Variants in KCNH5 observed in about 807,000 individuals in gnomAD.
KCNH5 encodes potassium voltage-gated channel subfamily H member 5, also known as voltage-gated delayed rectifier potassium channel KCNH5.
A neutral mutation model predicts 96.1 loss-of-function variants in KCNH5; 46 were observed. The observed-to-expected ratio is 0.48, with a 90% confidence interval of 0.38 to 0.61. The LOEUF (loss-of-function observed/expected upper bound fraction) is 0.61. KCNH5 is among the 20% of genes least tolerant of loss of function. The pLI is 0.00. For missense variants in KCNH5, 907 were observed against 1,225.8 expected, an observed-to-expected ratio of 0.74 and a Z score of 3.88; for synonymous variants, 439 against 449.8, an observed-to-expected ratio of 0.98 and a Z score of 0.30.
At chr14:62,841,306 C>T (rs191013282) in intron 8 of KCNH5, among the ~76,000 whole-genome samples, 174 of 152,208 alleles carry the variant, frequency 1.1e-3, no homozygotes, top group Non-Finnish European at 2.0e-3. Flanking sequence ...GAAAAAGTCT[C>T]GGAAGCATTA....
chr14:62,825,751 TTC>T (rs1408892175), intron 8 of KCNH5, among the ~76,000 whole-genome samples: 2 of 151,802 alleles, frequency 1.3e-5, no homozygotes, highest in African/African-American at 4.8e-5. Flanking sequence ...TCTTTTTTCT[TTC>T]TGTCTCTTTG....
intron 8 of KCNH5, among the ~76,000 whole-genome samples, chr14:62,809,126 G>A (rs1037450831): frequency 2.0e-5 from 3 of 152,044 alleles, no homozygotes; most frequent in African/African-American, 7.2e-5. Flanking sequence ...TTTCTTTTGA[G>A]CTATTTACAG....
At chr14:62,771,467 A>AT (rs1595615129) in intron 10 of KCNH5, among the ~76,000 whole-genome samples, 1 of 152,048 alleles carries the variant, frequency 6.6e-6, no homozygotes, top group Non-Finnish European at 1.5e-5. Flanking sequence ...TCTATTACAA[A>AT]ACAAAAAATT....
chr14:62,722,222 T>C (rs1202274389), intron 10 of KCNH5, among the ~76,000 whole-genome samples: 1 of 152,308 alleles, frequency 6.6e-6, no homozygotes, highest in East Asian at 1.9e-4. Context: ...AAATGAACCA[T>C]TAGACCACAT....
chr14:62,844,646 G>A (rs1595651503), intron 8 of KCNH5, among the ~76,000 whole-genome samples: 1 of 152,096 alleles, frequency 6.6e-6, no homozygotes, highest in African/African-American at 2.4e-5. Context: ...GTACTAATGA[G>A]CAGTCAATAA....
chr14:62,737,130 T>G (rs1244869963), intron 10 of KCNH5, among the ~76,000 whole-genome samples: 1 of 152,214 alleles, frequency 6.6e-6, no homozygotes, highest in African/African-American at 2.4e-5. Context: ...TGCTTGAACC[T>G]TCTTTCCTGA....
rs557153018 is a variant in KCNH5 at position 63,017,932 on chromosome 14, T to C, written c.74-978A>G. On this transcript the variant is annotated intron_variant, in intron 1 of 10. Transcript: ENST00000322893. Reference sequence around the variant, plus strand: ...ATAATGCAATTTAACATTTATTAAGTAGTTGCTGTATAAAAAACTGCTCTG... The same window carrying C: ...ATAATGCAATTTAACATTTATTAAGCAGTTGCTGTATAAAAAACTGCTCTG... 1.1e-4 allele frequency among the ~76,000 whole-genome samples: 14 copies of C among 125,346 alleles called. No individual in the cohort carries two copies. The South Asian group carries it at 2.7e-3, about 25-fold the overall frequency. 82.2% of individuals were successfully genotyped at this position (125,346 alleles called of 152,430 possible).
At chr14:63,003,516 T>TTA (rs1236989784) in intron 3 of KCNH5, among the ~76,000 whole-genome samples, 1 of 91,458 alleles carries the variant, frequency 1.1e-5, no homozygotes, top group Non-Finnish European at 2.4e-5. Flanking sequence ...TATATATATT[T>TTA]TATATATTTT....
chr14:62,980,043 C>T (rs924231175), intron 6 of KCNH5, among the ~76,000 whole-genome samples: 4 of 152,108 alleles, frequency 2.6e-5, no homozygotes, highest in Non-Finnish European at 2.9e-5. Context: ...AGATCTCATG[C>T]GATCTGGGGG....
chr14:62,792,350 C>A (rs1809463209), intron 9 of KCNH5, among the ~76,000 whole-genome samples: 1 of 150,908 alleles, frequency 6.6e-6, no homozygotes, highest in Non-Finnish European at 1.5e-5. Context: ...AAAGAATGAG[C>A]CAAATAGCTC....
chr14:62,772,628 C>CT (rs1372779892), intron 10 of KCNH5, among the ~76,000 whole-genome samples: 2 of 91,376 alleles, frequency 2.2e-5, no homozygotes, highest in Non-Finnish European at 3.9e-5. Flanking sequence ...CAGAGTGAGA[C>CT]TTTGTCTGAA....
At chr14:62,812,343 TC>T (rs779197782) in intron 8 of KCNH5, among the ~76,000 whole-genome samples, 25 of 152,266 alleles carry the variant, frequency 1.6e-4, no homozygotes, top group Admixed American at 1.4e-3. Context: ...TAATTTCAGC[TC>T]CAACAAATGT....
intron 10 of KCNH5, among the ~76,000 whole-genome samples, chr14:62,750,875 C>T (rs1050649912): frequency 5.3e-5 from 8 of 152,184 alleles, no homozygotes; most frequent in Admixed American, 1.3e-4. Flanking sequence ...CTGACAACAG[C>T]ATACCCAGCT....
At chr14:62,931,114 T>C (rs1271974501) in intron 7 of KCNH5, among the ~76,000 whole-genome samples, 1 of 152,016 alleles carries the variant, frequency 6.6e-6, no homozygotes, top group Non-Finnish European at 1.5e-5. Context: ...AGAGGTTGTA[T>C]ATAACAGCAG....
chr14:62,870,482 A>G lies in KCNH5; in HGVS notation c.1370-20630T>C, dbSNP rs75870849. ...TGTCCTAATGGCATGGCACAGAAGG[A>G]AAGTCAAGTCCTCTGAGTAGTGGCA... On this transcript the variant is annotated intron_variant, in intron 7 of 10. Transcript: ENST00000322893. Among the ~76,000 whole-genome samples, 123 of 152,302 alleles carry G rather than the reference A, an allele frequency of 8.1e-4. 1 individual carries two copies. In the East Asian group the frequency reaches 0.022, roughly 28 times the overall value.
chr14:62,928,560 G>A (rs374215566), intron 7 of KCNH5, among the ~76,000 whole-genome samples: 8 of 152,034 alleles, frequency 5.3e-5, no homozygotes, highest in Admixed American at 3.3e-4. Context: ...CCATTTTACC[G>A]ATGCGGTAAC....
At chr14:62,921,441 G>A (rs1390706032) in intron 7 of KCNH5, among the ~76,000 whole-genome samples, 6 of 152,062 alleles carry the variant, frequency 3.9e-5, no homozygotes. Context: ...TAAGTAATGG[G>A]AAGAAAATGC....
intron 7 of KCNH5, among the ~76,000 whole-genome samples, chr14:62,942,594 C>T (rs748077017): frequency 1.3e-5 from 2 of 152,124 alleles, no homozygotes; most frequent in Admixed American, 6.6e-5. Context: ...TGCACTTAAC[C>T]GCCTACATGA....
chr14:63,016,995 T>C, intron 1 of KCNH5, 41 bp from the exon 2 acceptor site: 2 of 1,583,004 alleles, frequency 1.3e-6, no homozygotes, highest in African/African-American at 1.4e-5. Flanking sequence ...TTTAGCTTAA[T>C]TCAACAATGC....
Sources: allele counts gnomAD v4.1 joint callset (sites outside exome capture counted in the v4.1 genomes callset), GRCh38; gene constraint gnomAD v4.1.1; transcripts MANE v1.5; gene names NCBI Gene and HGNC (gene_info 2026-07-23, HGNC 2026-07-21).